The following RBFOX1 variants were observed in gnomAD, a reference collection of about 807,000 sequenced individuals.
RBFOX1 encodes RNA binding protein fox-1 homolog 1.
A neutral mutation model predicts 57.7 loss-of-function variants in RBFOX1; 8 were observed. The ratio of observed to expected loss-of-function variants is 0.14; its 90% confidence interval spans 0.08 to 0.25. RBFOX1 has a LOEUF of 0.25. Among genes scored for constraint, RBFOX1 ranks in the 10% least tolerant of loss-of-function variants. The pLI is 1.00. For synonymous variants in RBFOX1, 326 were observed against 222.4 expected, an observed-to-expected ratio of 1.47 and a Z score of -4.15; for missense variants, 611 against 548.5, an observed-to-expected ratio of 1.11 and a Z score of -1.14.
intron 2 of RBFOX1, among the ~76,000 whole-genome samples, chr16:6,541,791 C>A (rs925155760): frequency 3.9e-5 from 6 of 151,954 alleles, no homozygotes; most frequent in Non-Finnish European, 8.8e-5. Flanking sequence ...AGGACTAGAC[C>A]CTAGACTTAG....
At chr16:7,264,582 A>G (rs146344639) in intron 4 of RBFOX1, among the ~76,000 whole-genome samples, 1 of 152,372 alleles carries the variant, frequency 6.6e-6, no homozygotes, top group East Asian at 1.9e-4. Flanking sequence ...ACAGATAGAT[A>G]ACATGCAAAG....
intron 3 of RBFOX1, among the ~76,000 whole-genome samples, chr16:6,889,600 T>A (rs1226843381): frequency 6.6e-6 from 1 of 152,196 alleles, no homozygotes; most frequent in Non-Finnish European, 1.5e-5. Flanking sequence ...TCCCGACTAG[T>A]TTGTGGAGGA....
At chr16:7,602,654 G>T (rs909238757) in intron 9 of RBFOX1, among the ~76,000 whole-genome samples, 3 of 152,162 alleles carry the variant, frequency 2.0e-5, no homozygotes, top group African/African-American at 7.2e-5. Flanking sequence ...CATGTGATTT[G>T]CATATATTTA....
chr16:6,448,113 A>G (rs963796959), intron 2 of RBFOX1, among the ~76,000 whole-genome samples: 10 of 145,030 alleles, frequency 6.9e-5, no homozygotes, highest in African/African-American at 2.3e-4. Context: ...TTTATAACAT[A>G]TAACTGATCA....
chr16:5,806,288 G>C (rs1453562995), intron 3 of RBFOX1, among the ~76,000 whole-genome samples: 2 of 152,196 alleles, frequency 1.3e-5, no homozygotes, highest in African/African-American at 4.8e-5. Flanking sequence ...TGGAGGCTGG[G>C]AAGTCCAAGA....
chr16:7,337,696 T>G (rs1461319589), intron 4 of RBFOX1, among the ~76,000 whole-genome samples: 1 of 152,184 alleles, frequency 6.6e-6, no homozygotes, highest in Non-Finnish European at 1.5e-5. Context: ...GTTTGTTTGC[T>G]TGTTTTGAGA....
intron 1 of RBFOX1, among the ~76,000 whole-genome samples, chr16:5,456,619 C>G: frequency 6.6e-6 from 1 of 152,202 alleles, no homozygotes; most frequent in East Asian, 1.9e-4. Flanking sequence ...ACACAGTCAC[C>G]AAGACCTGTC....
At chr16:7,044,651 T>C (rs1007471170) in intron 3 of RBFOX1, among the ~76,000 whole-genome samples, 2 of 152,200 alleles carry the variant, frequency 1.3e-5, no homozygotes, top group Non-Finnish European at 2.9e-5. Flanking sequence ...CTTTACTTTT[T>C]TTCATTTAGG....
chr16:7,270,946 G>A (rs1476950323), intron 4 of RBFOX1, among the ~76,000 whole-genome samples: 6 of 152,124 alleles, frequency 3.9e-5, no homozygotes, highest in South Asian at 2.1e-4. Flanking sequence ...TAGGGGTTAC[G>A]GTGGGGCTGG....
intron 2 of RBFOX1, among the ~76,000 whole-genome samples, chr16:6,458,573 G>A (rs2094833940): frequency 6.6e-6 from 1 of 152,182 alleles, no homozygotes. Context: ...TCAACCATTG[G>A]TGTTTCAGAG....
intron 4 of RBFOX1, among the ~76,000 whole-genome samples, chr16:7,499,101 T>C (rs1387012412): frequency 6.6e-6 from 1 of 152,184 alleles, no homozygotes; most frequent in Middle Eastern, 3.2e-3. Flanking sequence ...ACTGGGTGAC[T>C]TGAAATAGAA....
intron 2 of RBFOX1, among the ~76,000 whole-genome samples, chr16:6,652,460 A>T (rs2098604367): frequency 6.6e-6 from 1 of 151,980 alleles, no homozygotes; most frequent in South Asian, 2.1e-4. Context: ...AAAGAAAAAA[A>T]AAAGCCATGG....
chr16:6,802,090 C>T (rs1222739937), intron 3 of RBFOX1, among the ~76,000 whole-genome samples: 1 of 151,930 alleles, frequency 6.6e-6, no homozygotes. Flanking sequence ...CTTGTTTAAT[C>T]CTAAACAAGT....
intron 1 of RBFOX1, among the ~76,000 whole-genome samples, chr16:5,266,454 G>A (rs1034965799): frequency 6.6e-5 from 10 of 152,048 alleles, no homozygotes; most frequent in Admixed American, 2.0e-4. Flanking sequence ...GGTAGTCAGG[G>A]GTTAGTAGAG....
intron 1 of RBFOX1, among the ~76,000 whole-genome samples, chr16:5,392,179 A>G (rs1184593146): frequency 6.6e-6 from 1 of 152,158 alleles, no homozygotes; most frequent in East Asian, 1.9e-4. Flanking sequence ...AATTGGGTTC[A>G]TTATGTACTG....
rs137919503 is a variant in RBFOX1 at position 7,201,010 on chromosome 16, C to T, written c.27+148912C>T. ...TTAATCTATATTTTGTTTAAGCCAC[C>T]ATTATTTGGGGACTCTCTAAATAGC... On this transcript the variant is annotated intron_variant, in intron 4 of 15. Transcript: ENST00000550418. Among the ~76,000 whole-genome samples the T allele has an allele frequency of 3.9e-5, 6 of 152,260 alleles. No individual in the cohort carries two copies. In the East Asian group the frequency reaches 1.2e-3, roughly 29 times the overall value.
At chr16:7,009,848 A>G (rs1420576111) in intron 3 of RBFOX1, among the ~76,000 whole-genome samples, 1 of 152,214 alleles carries the variant, frequency 6.6e-6, no homozygotes, top group Non-Finnish European at 1.5e-5. Context: ...AATCAAAGCA[A>G]ACTACGAATA....
intron 4 of RBFOX1, among the ~76,000 whole-genome samples, chr16:7,418,885 T>G (rs1250446857): frequency 1.3e-5 from 2 of 152,034 alleles, no homozygotes; most frequent in African/African-American, 4.8e-5. Context: ...GTCGAGGTTT[T>G]TTTTTGTTGT....
In RBFOX1 at chr16:7,469,586, G is replaced by A. The variant is rs958136891; in HGVS notation, c.28-48561G>A. ...GAAATAGTTTTAGATTTATTGAAAA[G>A]TTGTGATATAGCCCTGAGTTCCCAT... is the stretch of plus-strand genomic sequence containing the variant. On this transcript the variant is annotated intron_variant, in intron 4 of 15. Transcript: ENST00000550418. Among the ~76,000 whole-genome samples the A allele has an allele frequency of 2.0e-5, 3 of 152,146 alleles. No individual in the cohort carries two copies. In the East Asian group the frequency reaches 5.8e-4, roughly 29 times the overall value.
Sources: allele counts gnomAD v4.1 joint callset (sites outside exome capture counted in the v4.1 genomes callset), GRCh38; gene constraint gnomAD v4.1.1; transcripts MANE v1.5; gene names NCBI Gene and HGNC (gene_info 2026-07-23, HGNC 2026-07-21).